Variants in SPMIP9 observed in about 807,000 individuals in gnomAD.
SPMIP9 encodes the protein protein SPMIP9.
the SPMIP9 span, among the ~76,000 whole-genome samples, chr2:88,525,175 A>G: frequency 6.6e-6 from 1 of 152,196 alleles, no homozygotes; most frequent in Admixed American, 6.5e-5. Flanking sequence ...ACTGGCTCAC[A>G]AGAGCCCATC....
the SPMIP9 span, among the ~76,000 whole-genome samples, chr2:88,524,948 G>C: frequency 9.2e-5 from 14 of 152,160 alleles, no homozygotes; most frequent in African/African-American, 3.4e-4. Context: ...TGTGCAGCGA[G>C]GCCCTCGCTA....
chr2:88,529,192 C>A, the SPMIP9 span: 7 of 1,614,216 alleles, frequency 4.3e-6, no homozygotes, highest in Non-Finnish European at 5.9e-6. Context: ...CCGGCTTCTT[C>A]CCATCACAGG....
At chr2:88,525,149 G>T in the SPMIP9 span, among the ~76,000 whole-genome samples, 1 of 152,160 alleles carries the variant, frequency 6.6e-6, no homozygotes, top group Non-Finnish European at 1.5e-5. Context: ...GAACATGTGA[G>T]CTGGAGCCAG....
At chr2:88,527,799 C>T in the SPMIP9 span, among the ~76,000 whole-genome samples, 1 of 152,172 alleles carries the variant, frequency 6.6e-6, no homozygotes, top group East Asian at 1.9e-4. Context: ...AATTGTTTGT[C>T]ATGGAGTATT....
At chr2:88,525,811 T>TTG in the SPMIP9 span, 1 of 790,414 alleles carries the variant, frequency 1.3e-6, no homozygotes, top group Non-Finnish European at 2.1e-6. Flanking sequence ...TTTTTTTTTT[T>TTG]GGTACAAGAA....
chr2:88,528,940 A>T, the SPMIP9 span: 3 of 1,071,186 alleles, frequency 2.8e-6, no homozygotes, highest in Non-Finnish European at 4.0e-6. Flanking sequence ...GGACTAATTT[A>T]AAGTTTTGAA....
At chr2:88,525,551 C>T in the SPMIP9 span, 1 of 1,469,652 alleles carries the variant, frequency 6.8e-7, no homozygotes, top group Non-Finnish European at 9.5e-7. Context: ...CTGGGGCAGC[C>T]ATGCTTGGTT....
At chr2:88,529,300 C>T in the SPMIP9 span, 929 of 1,614,166 alleles carry the variant, frequency 5.8e-4, 14 homozygotes, top group East Asian at 0.02. Context: ...AGGGTGACCC[C>T]AACCAGGTCC....
the SPMIP9 span, among the ~76,000 whole-genome samples, chr2:88,527,647 G>A: frequency 1.2e-4 from 19 of 152,072 alleles, no homozygotes; most frequent in African/African-American, 4.3e-4. Flanking sequence ...ACAGTGTACC[G>A]TATTTGTCGT....
At chr2:88,526,607 C>T in the SPMIP9 span, 2 of 795,482 alleles carry the variant, frequency 2.5e-6, no homozygotes, top group Admixed American at 2.0e-5. Flanking sequence ...AGAACAATAT[C>T]CAATGCCAGG....
At chr2:88,529,200 A>C in the SPMIP9 span, 1 of 1,614,172 alleles carries the variant, frequency 6.2e-7, no homozygotes, top group Non-Finnish European at 8.5e-7. Context: ...TTCCCATCAC[A>C]GGAACATGAG....
chr2:88,526,300 C>A, the SPMIP9 span: 1 of 839,550 alleles, frequency 1.2e-6, no homozygotes, highest in Non-Finnish European at 2.0e-6. Flanking sequence ...GAATGTCAGG[C>A]CCCAAAGTCG....
the SPMIP9 span, among the ~76,000 whole-genome samples, chr2:88,528,005 AT>A: frequency 6.6e-6 from 1 of 151,924 alleles, no homozygotes; most frequent in Non-Finnish European, 1.5e-5. Flanking sequence ...GGTTGGACAC[AT>A]TTTCATTTGT....
At chr2:88,528,864 T>TA in the SPMIP9 span, among the ~76,000 whole-genome samples, 2 of 152,206 alleles carry the variant, frequency 1.3e-5, no homozygotes, top group Non-Finnish European at 2.9e-5. Context: ...GAAAGAGACT[T>TA]ACGTTTCACT....
the SPMIP9 span, chr2:88,525,594 G>A: frequency 6.2e-7 from 1 of 1,613,208 alleles, no homozygotes; most frequent in South Asian, 1.1e-5. Flanking sequence ...TACTTTCCTT[G>A]TCTGTGGCAG....
At chr2:88,525,754 C>G in the SPMIP9 span, 12 of 1,392,650 alleles carry the variant, frequency 8.6e-6, no homozygotes, top group South Asian at 1.1e-4. Context: ...CAGGCTCTTT[C>G]TAGAAGCTCA....
chr2:88,526,016 G>A, the SPMIP9 span, among the ~76,000 whole-genome samples: 3 of 152,094 alleles, frequency 2.0e-5, no homozygotes, highest in African/African-American at 4.8e-5. Flanking sequence ...GTGCTGTTGT[G>A]GAGGGTTGTA....
chr2:88,527,445 C>CT, the SPMIP9 span, among the ~76,000 whole-genome samples: 2 of 152,034 alleles, frequency 1.3e-5, no homozygotes. Flanking sequence ...CTCTATCCCC[C>CT]CCAAAAAAAT....
At chr2:88,528,171 T>A in the SPMIP9 span, among the ~76,000 whole-genome samples, 1 of 149,208 alleles carries the variant, frequency 6.7e-6, no homozygotes, top group Non-Finnish European at 1.5e-5. Flanking sequence ...GGAGTCTGGC[T>A]CTGTTGCCCA....
Sources: gnomAD v4.1 joint callset for allele counts (sites outside exome capture counted in the v4.1 genomes callset) on GRCh38, gnomAD v4.1.1 for gene constraint, MANE v1.5 for transcripts, NCBI Gene and HGNC (gene_info 2026-07-23, HGNC 2026-07-21) for gene names.